BRAF: variants seen among roughly 807,000 people sequenced by gnomAD.
The protein encoded by BRAF is serine/threonine-protein kinase B-raf.
A neutral mutation model predicts 104.6 loss-of-function variants in BRAF; 16 were observed. That is an observed-to-expected ratio of 0.15 (90% CI 0.10 to 0.23). The LOEUF is 0.23. Ranked by LOEUF, BRAF falls within the 10% of genes least tolerant of loss-of-function variation. The pLI is 1.00. For synonymous variants in BRAF, 310 were observed against 341.6 expected, an observed-to-expected ratio of 0.91 and a Z score of 1.02; for missense variants, 541 against 937.3, an observed-to-expected ratio of 0.58 and a Z score of 5.52.
intron 18 of BRAF, among the ~76,000 whole-genome samples, chr7:140,739,040 C>T (rs755112120): frequency 6.6e-6 from 1 of 151,262 alleles, no homozygotes; most frequent in African/African-American, 2.4e-5. Flanking sequence ...GCCTTACTGC[C>T]TTTTCCTTTT....
intron 1 of BRAF, among the ~76,000 whole-genome samples, chr7:140,899,779 C>G (rs535505544): frequency 1.3e-5 from 2 of 152,272 alleles, no homozygotes; most frequent in Admixed American, 1.3e-4. Flanking sequence ...TAGGTAGCCT[C>G]TAAACTGGCT....
intron 1 of BRAF, among the ~76,000 whole-genome samples, chr7:140,895,906 C>T (rs749032494): frequency 4.6e-5 from 7 of 152,144 alleles, no homozygotes; most frequent in African/African-American, 7.2e-5. Context: ...GTCTCTTCGA[C>T]GTACTGACTT....
At chr7:140,878,456 T>C (rs1187773243) in intron 1 of BRAF, among the ~76,000 whole-genome samples, 1 of 152,074 alleles carries the variant, frequency 6.6e-6, no homozygotes, top group Non-Finnish European at 1.5e-5. Flanking sequence ...CAATGAATAT[T>C]CTCAAGAAAG....
chr7:140,834,664 T>C lies in BRAF; in HGVS notation c.449A>G (p.Lys150Arg), dbSNP rs756114784. 12 of 1,614,066 alleles carry C rather than the reference T, an allele frequency of 7.4e-6. No homozygotes were observed. Among genetic ancestry groups the C allele is most frequent in the Non-Finnish European group, 9.3e-6 (11 of 1,180,026 alleles). The part of the protein sequence containing the change: ...NPTDVARSNP[K>R]SPQKPIVRVF... ...TCTAACGATAGGTTTTTGTGGTGAC[T>C]TGGGGTTGCTCCGTGCCACATCTGT... The change falls in exon 3 of 20, where the codon AAG (lysine) becomes AGG (arginine). Residue 150 changes from lysine (K) to arginine (R), a missense_variant. Physicochemically the swap from Lys to Arg is conservative, Grantham distance 26. Coordinates refer to ENST00000644969, the MANE Select transcript of BRAF (RefSeq NM_001374258.1).
Position 140,749,436 on chromosome 7 carries a change from G to A in BRAF, c.1981-18C>T. The A allele has an allele frequency of 6.2e-7, 1 of 1,611,380 alleles. No individual in the cohort carries two copies. Reference sequence around the variant, plus strand: ...TCTGGTGCCTGTTAGAACATACAAAGAAAAATATTCTTCACTTCAATTGAA... The same window carrying A: ...TCTGGTGCCTGTTAGAACATACAAAAAAAAATATTCTTCACTTCAATTGAA... On this transcript the variant is annotated intron_variant, in intron 16 of 19. Transcript: ENST00000644969.
chr7:140,869,212 G>A (rs1811295728), intron 1 of BRAF, among the ~76,000 whole-genome samples: 1 of 152,164 alleles, frequency 6.6e-6, no homozygotes, highest in Admixed American at 6.5e-5. Flanking sequence ...TGTGGCTGGA[G>A]ATAAAAGTTT....
intron 3 of BRAF, among the ~76,000 whole-genome samples, chr7:140,832,962 C>T (rs1247968209): frequency 6.6e-6 from 1 of 151,758 alleles, no homozygotes; most frequent in Non-Finnish European, 1.5e-5. Flanking sequence ...CAAGCTCCGC[C>T]TCCCGGGTTC....
downstream of BRAF, among the ~76,000 whole-genome samples, chr7:140,714,810 C>G (rs1358177511): frequency 6.6e-6 from 1 of 152,086 alleles, no homozygotes; most frequent in Non-Finnish European, 1.5e-5. Context: ...GGAAATGGCA[C>G]TGGGTGAGGT....
In BRAF at chr7:140,861,197, C is replaced by T. The variant is rs548009383; in HGVS notation, c.139-10985G>A. On this transcript the variant is annotated intron_variant, in intron 1 of 19. Transcript: ENST00000644969. ...CCTTGGTAGAAAATAAAGGCGCCTT[C>T]TGAGAGAACAAAGAAAAGGGGTTGT... Among the ~76,000 whole-genome samples the T allele has an allele frequency of 3.9e-5, 6 of 152,260 alleles. No individual in the cohort carries two copies. In the South Asian group the frequency reaches 1.2e-3, roughly 32 times the overall value.
In BRAF at chr7:140,723,036, A is replaced by G; in HGVS notation, c.*3458T>C. On this transcript the variant is annotated 3_prime_UTR_variant, in exon 20 of 20. Transcript: ENST00000644969. ...CATGTTCTAGAGCTCCTGACTTTTCATATTTTAAAATAAATAACTATTCAT... is the reference window on the plus strand; with the variant it reads ...CATGTTCTAGAGCTCCTGACTTTTCGTATTTTAAAATAAATAACTATTCAT... 1 of 1,051,522 alleles carries G rather than the reference A, an allele frequency of 9.5e-7. No individual in the cohort carries two copies. Among genetic ancestry groups the G allele is most frequent in the Non-Finnish European group, 1.1e-6 (1 of 870,672 alleles). The allele number at this position is 1,051,522 out of a possible 1,614,324, so 65.1% of individuals were successfully genotyped here.
At chr7:140,843,801 C>T (rs138727276) in intron 2 of BRAF, among the ~76,000 whole-genome samples, 20 of 151,902 alleles carry the variant, frequency 1.3e-4, no homozygotes, top group African/African-American at 4.4e-4. Context: ...GTCAGGAGAT[C>T]GAGACCATCT....
At chr7:140,835,151 T>C (rs1807190816) in intron 2 of BRAF, 1 of 367,952 alleles carries the variant, frequency 2.7e-6, no homozygotes, top group African/African-American at 2.0e-5. Flanking sequence ...AAGCACAGTA[T>C]TTCCAATTTT....
chr7:140,759,035 T>G (rs972721247), intron 14 of BRAF, among the ~76,000 whole-genome samples: 3 of 152,260 alleles, frequency 2.0e-5, no homozygotes, highest in Non-Finnish European at 2.9e-5. Context: ...TGGCTTCTTT[T>G]GCGCAGCAAA....
chr7:140,802,590 G>C (rs986418609), intron 5 of BRAF, among the ~76,000 whole-genome samples: 1 of 151,896 alleles, frequency 6.6e-6, no homozygotes, highest in African/African-American at 2.4e-5. Context: ...GAGCCACCGT[G>C]TGCAGCTTGT....
chr7:140,882,066 CACCA>C (rs1812981218), intron 1 of BRAF, among the ~76,000 whole-genome samples: 1 of 152,060 alleles, frequency 6.6e-6, no homozygotes, highest in Non-Finnish European at 1.5e-5. Flanking sequence ...GTAAGGCTGC[CACCA>C]ACCTTCAATT....
chr7:140,770,177 T>G (rs1194761154), intron 14 of BRAF, among the ~76,000 whole-genome samples: 1 of 152,116 alleles, frequency 6.6e-6, no homozygotes, highest in African/African-American at 2.4e-5. Context: ...CTATTATTAT[T>G]TTTACCGACC....
At chr7:140,854,373 G>A (rs954841194) in intron 1 of BRAF, among the ~76,000 whole-genome samples, 2 of 152,100 alleles carry the variant, frequency 1.3e-5, no homozygotes, top group Non-Finnish European at 2.9e-5. Flanking sequence ...TAATAGGTAT[G>A]CAATTAAAGC....
Position 140,734,210 on chromosome 7 carries a change from C to T in BRAF, c.2401+407G>A, listed in dbSNP as rs114105685. The T allele has an allele frequency of 2.0e-3, 2,180 of 1,103,716 alleles. 40 individuals are homozygous for T. The African/African-American group carries it at 0.032, about 16-fold the overall frequency. 68.4% of individuals were successfully genotyped at this position (1,103,716 alleles called of 1,614,324 possible). ...TAACCGACTGCCAACTTCTCACCTG[C>T]AAACACAGGCATAGGTAGGGTCTTC... On this transcript the variant is annotated intron_variant, in intron 19 of 19. Coordinates refer to ENST00000644969, the MANE Select transcript of BRAF (RefSeq NM_001374258.1).
intron 1 of BRAF, among the ~76,000 whole-genome samples, chr7:140,882,159 T>C (rs1812993885): frequency 6.6e-6 from 1 of 152,134 alleles, no homozygotes; most frequent in Non-Finnish European, 1.5e-5. Flanking sequence ...ATTCCACATA[T>C]AATTCCTGCA....
Sources: allele counts gnomAD v4.1 joint callset (sites outside exome capture counted in the v4.1 genomes callset), GRCh38; gene constraint gnomAD v4.1.1; transcripts MANE v1.5; gene names NCBI Gene and HGNC (gene_info 2026-07-23, HGNC 2026-07-21).